Variants in PTDSS1 observed in about 807,000 individuals in gnomAD.
PTDSS1 encodes the protein phosphatidylserine synthase 1.
In PTDSS1, 45 loss-of-function variants were observed where a neutral mutation model predicts 70.5. The observed-to-expected ratio is 0.64, with a 90% CI of 0.50 to 0.82. The LOEUF is 0.82. Among genes scored for constraint, PTDSS1 ranks in the 40% least tolerant of loss-of-function variants. The pLI, the probability that PTDSS1 is intolerant of heterozygous loss-of-function variation, is 0.00. For synonymous variants in PTDSS1, 188 were observed against 203.8 expected, an observed-to-expected ratio of 0.92 and a Z score of 0.66; for missense variants, 417 against 586.1, an observed-to-expected ratio of 0.71 and a Z score of 2.98.
intron 5 of PTDSS1, 25 bp from the exon 6 acceptor site, chr8:96,299,669 A>T: frequency 6.4e-7 from 1 of 1,569,698 alleles, no homozygotes; most frequent in Non-Finnish European, 8.6e-7. Context: ...TTATTTTTCC[A>T]ACCATGGGCT....
In PTDSS1 at chr8:96,299,728, A is replaced by C; in HGVS notation, c.635A>C (p.Glu212Ala). 1.2e-6 allele frequency: 2 copies of C among 1,611,810 alleles called. No homozygotes were observed. Among genetic ancestry groups the C allele is most frequent in the South Asian group, 1.1e-5 (1 of 90,424 alleles). Reference protein sequence around the residue: ...FFMHLLPNFAECWWDQVILDI... With the variant: ...FFMHLLPNFAACWWDQVILDI... ...ATGCATCTCCTCCCCAATTTTGCCGAGTGCTGGTGGGATCAAGTCATTCTG... is the reference window on the plus strand; with the variant it reads ...ATGCATCTCCTCCCCAATTTTGCCGCGTGCTGGTGGGATCAAGTCATTCTG... The change falls in exon 6 of 13, where the codon GAG becomes GCG. Residue 212 changes from glutamate to alanine, a missense_variant. This residue lies in a region of PTDSS1 where 272 missense variants were observed against 429.5 expected (regional missense o/e 0.63). Coordinates refer to ENST00000517309, the MANE Select transcript of PTDSS1 (RefSeq NM_014754.3).
intron 10 of PTDSS1, among the ~76,000 whole-genome samples, chr8:96,322,659 C>G: frequency 6.6e-6 from 1 of 152,178 alleles, no homozygotes; most frequent in East Asian, 1.9e-4. Flanking sequence ...CAAGCCATAG[C>G]ATTCCACCCC....
chr8:96,284,860 C>T (rs865914527), intron 3 of PTDSS1, among the ~76,000 whole-genome samples: 22 of 152,170 alleles, frequency 1.4e-4, no homozygotes, highest in South Asian at 8.3e-4. Context: ...TTCTTTCAGC[C>T]TTCAGAGCTT....
At chr8:96,285,243 G>T (rs1462007699) in intron 3 of PTDSS1, among the ~76,000 whole-genome samples, 1 of 152,208 alleles carries the variant, frequency 6.6e-6, no homozygotes, top group African/African-American at 2.4e-5. Context: ...GATTCTGGGG[G>T]AGGGGAGCAT....
chr8:96,287,178 C>T (rs763946828), intron 4 of PTDSS1, 32 bp downstream of exon 4: 5 of 1,609,980 alleles, frequency 3.1e-6, no homozygotes, highest in African/African-American at 1.3e-5. Flanking sequence ...CTTGGAGAAA[C>T]TCGTAGACTC....
At chr8:96,310,282 A>G (rs1231699238) in intron 9 of PTDSS1, among the ~76,000 whole-genome samples, 10 of 148,798 alleles carry the variant, frequency 6.7e-5, no homozygotes, top group African/African-American at 1.0e-4. Context: ...CTCCTGCCTC[A>G]GCCTCCCAAG....
In PTDSS1 at chr8:96,273,344, T is replaced by C; in HGVS notation, c.225T>C (p.Ser75=). 1.9e-6 allele frequency: 3 copies of C among 1,612,834 alleles called. No individual in the cohort carries two copies. The highest frequency in any genetic ancestry group is 1.3e-5 in the African/African-American group (1 of 75,020). ...PEDNIWRGIL[S]VIFFFLIISV... ...ACAACATCTGGAGAGGCATCCTCTC[T>C]GTTATTTTCTTCTTTCTTATCATCA... The change falls in exon 2 of 13, where the codon TCT becomes TCC. Residue 75 remains serine (S), a synonymous_variant. Transcript: ENST00000517309.
chr8:96,331,393 G>A (rs776697982), intron 12 of PTDSS1, among the ~76,000 whole-genome samples: 2 of 152,030 alleles, frequency 1.3e-5, no homozygotes, highest in Admixed American at 6.5e-5. Context: ...GCCAGGTGTG[G>A]TGGCGGGCGC....
chr8:96,265,584 CAAACAAAACAAAACAAAACA>C (rs111419887), intron 1 of PTDSS1, among the ~76,000 whole-genome samples: 7 of 151,726 alleles, frequency 4.6e-5, no homozygotes, highest in Non-Finnish European at 7.4e-5. Flanking sequence ...TCTCTACAAA[CAAACAAAACAAAACAAAACA>C]AAACAAAACA....
intron 4 of PTDSS1, 85 bp downstream of exon 4, chr8:96,287,231 T>C (rs1810836217): frequency 6.6e-7 from 1 of 1,519,060 alleles, no homozygotes; most frequent in East Asian, 2.3e-5. Context: ...TTTTAAATTG[T>C]TCCTTCTCTG....
At chr8:96,312,735 G>A (rs189343094) in intron 9 of PTDSS1, among the ~76,000 whole-genome samples, 3 of 152,214 alleles carry the variant, frequency 2.0e-5, no homozygotes, top group South Asian at 4.1e-4. Flanking sequence ...TCCTGTGTGC[G>A]TGAACAGCCG....
At chr8:96,297,066 A>G (rs530150222) in intron 5 of PTDSS1, among the ~76,000 whole-genome samples, 1 of 152,224 alleles carries the variant, frequency 6.6e-6, no homozygotes, top group South Asian at 2.1e-4. Context: ...TCTCTAATCC[A>G]TGGTCATCTC....
chr8:96,262,958 C>T lies in PTDSS1; in HGVS notation c.179+739C>T, dbSNP rs1395434553. The stretch of plus-strand genomic sequence containing the variant: ...ATCTGTGTACATGGCTGCACAGACA[C>T]CAGCCCGCCACACATCACGCGGTGC... On this transcript the variant is annotated intron_variant, in intron 1 of 12. Transcript: ENST00000517309. The surrounding 1 kb of genome is among the most constrained non-coding windows in gnomAD (Gnocchi z 4.4). 2.0e-5 allele frequency among the ~76,000 whole-genome samples: 3 copies of T among 152,178 alleles called. No individual in the cohort carries two copies. The highest frequency in any genetic ancestry group is 7.2e-5 in the African/African-American group (3 of 41,418).
At chr8:96,308,030 G>T (rs1393247872) in intron 8 of PTDSS1, among the ~76,000 whole-genome samples, 3 of 152,166 alleles carry the variant, frequency 2.0e-5, no homozygotes, top group Non-Finnish European at 2.9e-5. Flanking sequence ...TCTTTGACAA[G>T]TTACTCGGAA....
Position 96,334,297 on chromosome 8 carries a change from C to T in PTDSS1, c.*731C>T, listed in dbSNP as rs1811565167. ...CCCTTCCCAATATTATTCATCCAGACTTAGCCACAGTGCACAAAAGCAAAC... is the reference window on the plus strand; with the variant it reads ...CCCTTCCCAATATTATTCATCCAGATTTAGCCACAGTGCACAAAAGCAAAC... On this transcript the variant is annotated 3_prime_UTR_variant, in exon 13 of 13. Transcript: ENST00000517309. 6.5e-6 allele frequency: 1 copy of T among 153,316 alleles called. No individual in the cohort carries two copies. Among genetic ancestry groups the T allele is most frequent in the African/African-American group, 2.4e-5 (1 of 41,472 alleles). 9.5% of individuals were successfully genotyped at this position (153,316 alleles called of 1,614,324 possible). A position where few individuals can be genotyped will look rare whatever the true frequency, so the allele number is the denominator to read the frequency against.
intron 2 of PTDSS1, among the ~76,000 whole-genome samples, chr8:96,281,252 T>A (rs1413198987): frequency 1.3e-5 from 2 of 152,246 alleles, no homozygotes; most frequent in Non-Finnish European, 2.9e-5. Flanking sequence ...TGTTAGTATA[T>A]AATGCTACTA....
At position 96,335,708 on chromosome 8, in the gene PTDSS1, T is replaced by C. The variant is rs1811585520; in HGVS notation, c.*2142T>C. 6.6e-6 allele frequency: 1 copy of C among 152,256 alleles called. No individual in the cohort carries two copies. The highest frequency in any genetic ancestry group is 1.5e-5 in the Non-Finnish European group (1 of 68,052). 9.4% of individuals were successfully genotyped at this position (152,256 alleles called of 1,614,324 possible). A position where few individuals can be genotyped will look rare whatever the true frequency, so the allele number is the denominator to read the frequency against. ...TTTCCCTTCAGTCAGAGCTCTTTAC[T>C]ATAGTAGTTACAAAACCAGTGCTTT... On this transcript the variant is annotated 3_prime_UTR_variant, in exon 13 of 13. Transcript: ENST00000517309.
intron 9 of PTDSS1, among the ~76,000 whole-genome samples, chr8:96,311,539 T>C (rs1456633947): frequency 6.6e-6 from 1 of 152,098 alleles, no homozygotes; most frequent in Non-Finnish European, 1.5e-5. Flanking sequence ...TTTCTGTGTA[T>C]GTGTGTGTGT....
intron 4 of PTDSS1, among the ~76,000 whole-genome samples, chr8:96,291,343 A>G (rs769701322): frequency 1.4e-4 from 21 of 152,304 alleles, no homozygotes; most frequent in Non-Finnish European, 8.8e-5. Flanking sequence ...CCCATCACCC[A>G]GTGTCAGTAT....
Sources: gnomAD v4.1 joint callset for allele counts (sites outside exome capture counted in the v4.1 genomes callset) on GRCh38, gnomAD v4.1.1 for gene constraint, gnomAD v4.1.1 regional missense constraint, Gnocchi (gnomAD v3.1) non-coding constraint, MANE v1.5 for transcripts, NCBI Gene and HGNC (gene_info 2026-07-23, HGNC 2026-07-21) for gene names.